Variants in SMYD4 observed in about 807,000 individuals in gnomAD.
SMYD4 encodes protein-lysine N-methyltransferase SMYD4.
In SMYD4, 68 loss-of-function variants were observed where a neutral mutation model predicts 72.8. The observed-to-expected ratio is 0.93, with a 90% CI of 0.77 to 1.14. The LOEUF is 1.14. Ranked by LOEUF, SMYD4 falls within the 50% of genes most tolerant of loss-of-function variation. The probability of loss-of-function intolerance (pLI) is 0.00; values close to 1 mark genes in which losing one functional copy is unlikely to be tolerated. For synonymous variants in SMYD4, 407 were observed against 388.6 expected, an observed-to-expected ratio of 1.05 and a Z score of -0.56; for missense variants, 984 against 1,003.7, an observed-to-expected ratio of 0.98 and a Z score of 0.27.
At chr17:1,819,020 G>A (rs900673154) in intron 2 of SMYD4, among the ~76,000 whole-genome samples, 3 of 151,784 alleles carry the variant, frequency 2.0e-5, no homozygotes, top group Non-Finnish European at 4.4e-5. Context: ...TTCTGGTTTC[G>A]CTTCATTGTT....
chr17:1,825,534 A>G (rs1394633400), intron 2 of SMYD4, among the ~76,000 whole-genome samples: 2 of 144,820 alleles, frequency 1.4e-5, no homozygotes, highest in Non-Finnish European at 3.0e-5. Context: ...TTTTTTGAGA[A>G]ATAGTCTTGT....
chr17:1,784,510 A>C (rs760047027), intron 7 of SMYD4, 49 bp from the exon 8 acceptor site: 35 of 1,609,590 alleles, frequency 2.2e-5, no homozygotes, highest in Non-Finnish European at 2.9e-5. Context: ...TCAGTTATCA[A>C]CACCGCCTGT....
rs887323545 is a variant in SMYD4 at position 1,779,605 on chromosome 17, A to C, written c.*1681T>G. ...TGGTTACTGACTCTGCCAAGAGTACAGAATGAAGGGCAGAGAGTAAGGACT... is the reference window on the plus strand; with the variant it reads ...TGGTTACTGACTCTGCCAAGAGTACCGAATGAAGGGCAGAGAGTAAGGACT... On this transcript the variant is annotated 3_prime_UTR_variant, in exon 11 of 11. Coordinates refer to ENST00000305513, the MANE Select transcript of SMYD4 (RefSeq NM_052928.3). 1 of 152,292 alleles carries C rather than the reference A, an allele frequency of 6.6e-6. No individual in the cohort carries two copies. Among genetic ancestry groups the C allele is most frequent in the Non-Finnish European group, 1.5e-5 (1 of 68,064 alleles). The allele number at this position is 152,292 out of a possible 1,614,324, so 9.4% of individuals were successfully genotyped here.
chr17:1,781,220 C>T lies in SMYD4; in HGVS notation c.*66G>A, dbSNP rs1908343419. ...ACAGGCGTGAGCCACCATACCTGGC[C>T]AGCAAAACCTCTTTAACTTGTGTTC... On this transcript the variant is annotated 3_prime_UTR_variant, in exon 11 of 11. Coordinates refer to ENST00000305513, the MANE Select transcript of SMYD4 (RefSeq NM_052928.3). 4.5e-6 allele frequency: 7 copies of T among 1,563,988 alleles called. No individual in the cohort carries two copies. Among genetic ancestry groups the T allele is most frequent in the Non-Finnish European group, 6.0e-6 (7 of 1,158,236 alleles).
At chr17:1,785,433 G>GAAAAAAAA (rs1908623456) in intron 7 of SMYD4, among the ~76,000 whole-genome samples, 1 of 29,448 alleles carries the variant, frequency 3.4e-5, no homozygotes, top group Non-Finnish European at 5.9e-5. Context: ...TCTCACAAAA[G>GAAAAAAAA]AAAAAGAAAA....
rs764659954 is a variant in SMYD4 at position 1,800,205 on chromosome 17, C to G, written c.1189G>C (p.Glu397Gln). 3.1e-6 allele frequency: 5 copies of G among 1,613,470 alleles called. No individual in the cohort carries two copies. The highest frequency in any genetic ancestry group is 4.2e-6 in the Non-Finnish European group (5 of 1,179,616). Residue 397 changes from glutamate (E) to glutamine (Q), a missense_variant, in exon 5 of 11, where the codon GAG becomes CAG. Glu to Gln is a conservative substitution (Grantham distance 29). Transcript: ENST00000305513. ...ACGATGTTGCCATTTTTCTCACTCT[C>G]CCCTAGGCCATAATTAAGTGTCTTG... is the stretch of plus-strand genomic sequence containing the variant. ...QVKTLNYGLG[E>Q]SEKNGNIVET...
intron 2 of SMYD4, among the ~76,000 whole-genome samples, chr17:1,822,965 T>C (rs762017999): frequency 2.0e-5 from 3 of 152,164 alleles, no homozygotes; most frequent in Non-Finnish European, 4.4e-5. Flanking sequence ...GAAATGGACA[T>C]ACCCTTTATT....
chr17:1,817,445 AAT>A (rs948163278), intron 2 of SMYD4, among the ~76,000 whole-genome samples: 1 of 151,862 alleles, frequency 6.6e-6, no homozygotes, highest in Non-Finnish European at 1.5e-5. Flanking sequence ...AGGCTCAAGT[AAT>A]CCTCCCACCT....
intron 2 of SMYD4, among the ~76,000 whole-genome samples, chr17:1,822,981 T>C (rs1372182802): frequency 6.6e-6 from 1 of 152,054 alleles, no homozygotes; most frequent in African/African-American, 2.4e-5. Context: ...TTATTTGGAT[T>C]AGGAAATTTA....
At position 1,781,354 on chromosome 17, in the gene SMYD4, G is replaced by A. The variant is rs1327049269; in HGVS notation, c.2347C>T (p.Gln783Ter). The change falls in exon 11 of 11, where the codon CAG (glutamine) becomes TAG (stop). Residue 783 changes from glutamine to a stop codon, truncating the protein, a stop_gained. Transcript: ENST00000305513. LOFTEE classifies it high-confidence loss of function. ...LHCGPWDDEI[Q>*]ELQKMKSCLL... ...CAGGATTTCATCTTCTGGAGCTCCT[G>A]GATTTCATCGTCCCATGGGCCACAG... 6.2e-7 allele frequency: 1 copy of A among 1,614,050 alleles called. No individual in the cohort carries two copies. Among genetic ancestry groups the A allele is most frequent in the Admixed American group, 1.7e-5 (1 of 59,996 alleles).
At chr17:1,795,551 T>A (rs1909358924) in intron 5 of SMYD4, among the ~76,000 whole-genome samples, 1 of 152,140 alleles carries the variant, frequency 6.6e-6, no homozygotes, top group African/African-American at 2.4e-5. Flanking sequence ...CAAGCAATTC[T>A]CATGCCTTAG....
Position 1,786,702 on chromosome 17 carries a change from T to C in SMYD4, c.1884+108A>G, listed in dbSNP as rs563624338. ...CTGGCTAAAATGGAGGTGATATTAC[T>C]GGTCTCAGCACTTACAAGTCCCTGA... On this transcript the variant is annotated intron_variant, in intron 7 of 10. Coordinates refer to ENST00000305513, the MANE Select transcript of SMYD4 (RefSeq NM_052928.3). 3.2e-4 allele frequency: 429 copies of C among 1,332,924 alleles called. 2 individuals are homozygous for C. The African/African-American group carries it at 5.4e-3, about 17-fold the overall frequency. 82.6% of individuals were successfully genotyped at this position (1,332,924 alleles called of 1,614,324 possible).
chr17:1,796,506 G>A (rs1445447145), intron 5 of SMYD4, among the ~76,000 whole-genome samples: 2 of 150,954 alleles, frequency 1.3e-5, no homozygotes, highest in African/African-American at 2.4e-5. Context: ...GCGTGATCTC[G>A]GCTCACTGTA....
At chr17:1,811,835 G>A (rs1376565780) in intron 3 of SMYD4, 136 bp downstream of exon 3, 1 of 870,458 alleles carries the variant, frequency 1.1e-6, no homozygotes, top group African/African-American at 1.7e-5. Context: ...ACTAAGGTGG[G>A]AGGATCGCTT....
chr17:1,824,694 A>AC (rs1344499068), intron 2 of SMYD4, among the ~76,000 whole-genome samples: 2 of 152,010 alleles, frequency 1.3e-5, no homozygotes. Context: ...ATCTCAGCGC[A>AC]CTGCACCCTC....
At chr17:1,814,351 G>T (rs1910478331) in intron 2 of SMYD4, among the ~76,000 whole-genome samples, 1 of 152,030 alleles carries the variant, frequency 6.6e-6, no homozygotes, top group African/African-American at 2.4e-5. Context: ...ATGTTTACAA[G>T]TAAGTTAAAA....
chr17:1,812,209 C>CA (rs1910365261), intron 2 of SMYD4, 94 bp from the exon 3 acceptor site: 1 of 1,323,228 alleles, frequency 7.6e-7, no homozygotes, highest in South Asian at 1.3e-5. Flanking sequence ...AGTGGGCCCG[C>CA]AAAACATTTC....
intron 4 of SMYD4, among the ~76,000 whole-genome samples, chr17:1,801,625 G>GAAA (rs551608562): frequency 2.2e-5 from 2 of 89,988 alleles, no homozygotes; most frequent in Non-Finnish European, 4.3e-5. Context: ...GGCAGGCTTT[G>GAAA]AAAAAAAAAA....
At chr17:1,821,687 T>C (rs1910897780) in intron 2 of SMYD4, among the ~76,000 whole-genome samples, 1 of 152,116 alleles carries the variant, frequency 6.6e-6, no homozygotes, top group South Asian at 2.1e-4. Flanking sequence ...TCCCAGCACT[T>C]TGGGAGACCA....
Sources: allele counts gnomAD v4.1 joint callset (sites outside exome capture counted in the v4.1 genomes callset), GRCh38; gene constraint gnomAD v4.1.1; transcripts MANE v1.5; gene names NCBI Gene and HGNC (gene_info 2026-07-23, HGNC 2026-07-21).